Variants in KCNIP4 observed in about 807,000 individuals in gnomAD.
The protein encoded by KCNIP4 is potassium voltage-gated channel interacting protein 4.
KCNIP4 carries 12 observed loss-of-function variants against 34.0 expected under a neutral mutation model. The observed-to-expected ratio is 0.35, with a 90% confidence interval of 0.23 to 0.57. KCNIP4 has a LOEUF of 0.57. KCNIP4 is among the 20% of genes least tolerant of loss of function. The probability of loss-of-function intolerance (pLI) is 0.83; values close to 1 mark genes in which losing one functional copy is unlikely to be tolerated. For missense variants in KCNIP4, 238 were observed against 311.7 expected (o/e 0.76, Z 1.78); for synonymous variants, 124 against 102.2 (o/e 1.21, Z -1.29).
chr4:21,337,047 G>T (rs950064309), intron 1 of KCNIP4, among the ~76,000 whole-genome samples: 1 of 151,730 alleles, frequency 6.6e-6, no homozygotes, highest in Non-Finnish European at 1.5e-5. Context: ...AGAGGAAAGA[G>T]CATGGCAGGT....
chr4:20,921,414 T>G (rs2149586710), intron 1 of KCNIP4, among the ~76,000 whole-genome samples: 1 of 152,320 alleles, frequency 6.6e-6, no homozygotes, highest in Non-Finnish European at 1.5e-5. Context: ...TATTTTCTGG[T>G]TAGAGCCATA....
At chr4:21,519,211 G>T (rs1001189104) in intron 1 of KCNIP4, among the ~76,000 whole-genome samples, 1 of 151,824 alleles carries the variant, frequency 6.6e-6, no homozygotes, top group African/African-American at 2.4e-5. Flanking sequence ...CCTTATAAAA[G>T]AGGTCCCAGG....
intron 1 of KCNIP4, among the ~76,000 whole-genome samples, chr4:21,111,781 G>C (rs1440463022): frequency 6.6e-6 from 1 of 152,134 alleles, no homozygotes; most frequent in Non-Finnish European, 1.5e-5. Context: ...AACAGGACAG[G>C]GTGGAGACAG....
chr4:21,430,160 T>C (rs1157066694), intron 1 of KCNIP4, among the ~76,000 whole-genome samples: 4 of 152,162 alleles, frequency 2.6e-5, no homozygotes, highest in Non-Finnish European at 4.4e-5. Context: ...GTACAATTTA[T>C]TTCCCTATTG....
chr4:21,749,670 ATC>A (rs1717016981), intron 1 of KCNIP4, among the ~76,000 whole-genome samples: 2 of 152,060 alleles, frequency 1.3e-5, no homozygotes, highest in African/African-American at 4.8e-5. Context: ...CTACATCCAC[ATC>A]TCCCATCACT....
intron 1 of KCNIP4, among the ~76,000 whole-genome samples, chr4:20,889,516 C>G (rs1725678054): frequency 6.6e-6 from 1 of 152,020 alleles, no homozygotes; most frequent in South Asian, 2.1e-4. Flanking sequence ...TGTATGAACT[C>G]TACTCTGGAG....
chr4:21,575,251 G>T (rs1337828744), intron 1 of KCNIP4, among the ~76,000 whole-genome samples: 1 of 152,100 alleles, frequency 6.6e-6, no homozygotes, highest in Non-Finnish European at 1.5e-5. Context: ...TACATCAGAG[G>T]CTAGACAGAA....
At chr4:21,074,900 G>A (rs1371296911) in intron 1 of KCNIP4, among the ~76,000 whole-genome samples, 1 of 152,164 alleles carries the variant, frequency 6.6e-6, no homozygotes, top group Admixed American at 6.5e-5. Context: ...TATGTACCCA[G>A]TAGTCATTCA....
At chr4:21,111,486 T>G (rs1749161493) in intron 1 of KCNIP4, among the ~76,000 whole-genome samples, 1 of 152,150 alleles carries the variant, frequency 6.6e-6, no homozygotes, top group Non-Finnish European at 1.5e-5. Context: ...ACCCAGGAAG[T>G]AGGCAATCCT....
At chr4:21,701,286 G>A (rs1279928672) in intron 1 of KCNIP4, among the ~76,000 whole-genome samples, 6 of 152,100 alleles carry the variant, frequency 3.9e-5, no homozygotes, top group African/African-American at 1.4e-4. Context: ...AAAAATGTTG[G>A]TCAAAGGTTA....
intron 1 of KCNIP4, among the ~76,000 whole-genome samples, chr4:21,780,426 C>T (rs1719505825): frequency 1.3e-5 from 2 of 152,166 alleles, no homozygotes; most frequent in South Asian, 4.1e-4. Flanking sequence ...CTGGGTGACC[C>T]ACCACCTCCA....
intron 1 of KCNIP4, among the ~76,000 whole-genome samples, chr4:21,174,468 T>G (rs2109305102): frequency 6.6e-6 from 1 of 152,286 alleles, no homozygotes; most frequent in South Asian, 2.1e-4. Flanking sequence ...ATTCTTGACA[T>G]TTATTATGGA....
intron 1 of KCNIP4, among the ~76,000 whole-genome samples, chr4:21,819,075 T>A (rs567610100): frequency 6.6e-6 from 1 of 152,334 alleles, no homozygotes; most frequent in South Asian, 2.1e-4. Context: ...TTTCTAAATT[T>A]CTTCATAAAG....
intron 1 of KCNIP4, among the ~76,000 whole-genome samples, chr4:21,117,683 G>A (rs371632853): frequency 6.6e-6 from 1 of 152,114 alleles, no homozygotes; most frequent in East Asian, 1.9e-4. Flanking sequence ...AAGCTGCAGA[G>A]CGCATCAAAC....
chr4:21,181,685 G>C (rs1191262673), intron 1 of KCNIP4, among the ~76,000 whole-genome samples: 1 of 152,110 alleles, frequency 6.6e-6, no homozygotes, highest in Admixed American at 6.6e-5. Context: ...CAGAAGTTCT[G>C]AGAGTCCATG....
intron 1 of KCNIP4, among the ~76,000 whole-genome samples, chr4:21,463,375 T>C (rs965177314): frequency 6.6e-6 from 1 of 152,098 alleles, no homozygotes; most frequent in African/African-American, 2.4e-5. Flanking sequence ...TTTGTGTTTT[T>C]GTGATTGAGT....
intron 1 of KCNIP4, among the ~76,000 whole-genome samples, chr4:21,537,487 G>T (rs1737284071): frequency 6.6e-6 from 1 of 152,026 alleles, no homozygotes; most frequent in Non-Finnish European, 1.5e-5. Context: ...TGTGTATAAT[G>T]TAGCCCTTGG....
intron 1 of KCNIP4, among the ~76,000 whole-genome samples, chr4:21,528,755 GAA>G (rs1217049488): frequency 1.1e-4 from 1 of 9,330 alleles, no homozygotes; most frequent in Non-Finnish European, 2.0e-4. Context: ...AAGAAAGAAA[GAA>G]AGAAAGAAAG....
At chr4:21,434,727 C>G (rs897097409) in intron 1 of KCNIP4, among the ~76,000 whole-genome samples, 2 of 150,662 alleles carry the variant, frequency 1.3e-5, no homozygotes, top group African/African-American at 4.9e-5. Flanking sequence ...AGTTTCATTC[C>G]AAAACGATCC....
Sources: gnomAD v4.1 joint callset for allele counts (sites outside exome capture counted in the v4.1 genomes callset) on GRCh38, gnomAD v4.1.1 for gene constraint, MANE v1.5 for transcripts, NCBI Gene and HGNC (gene_info 2026-07-23, HGNC 2026-07-21) for gene names.